LPGAT1: variants seen among roughly 807,000 people sequenced by gnomAD.
LPGAT1 encodes lysophosphatidylglycerol acyltransferase 1.
Under a neutral mutation model 47.5 loss-of-function variants are expected in LPGAT1, and 11 were observed. The ratio of observed to expected loss-of-function variants is 0.23; its 90% CI spans 0.15 to 0.38. LPGAT1 has a LOEUF of 0.38. Among genes scored for constraint, LPGAT1 ranks in the 10% least tolerant of loss-of-function variants. LPGAT1 has a pLI of 1.00. For missense variants in LPGAT1, 293 were observed against 439.0 expected (o/e 0.67, Z 2.97); for synonymous variants, 138 against 144.2 (o/e 0.96, Z 0.31).
rs1657774426 is a variant in LPGAT1, at chr1:211,763,228, T to G, written c.855-12161A>C. 2.0e-5 allele frequency among the ~76,000 whole-genome samples: 3 copies of G among 150,118 alleles called. No homozygotes were observed. The South Asian group carries it at 6.2e-4, about 31-fold the overall frequency. The stretch of plus-strand genomic sequence containing the variant: ...AATCTCCAATGTCAGTATTAAGAGG[T>G]GAGGCCTTTAAAAGGTGATTTGGTC... On this transcript the variant is annotated intron_variant, in intron 6 of 7. Coordinates refer to ENST00000366997, the MANE Select transcript of LPGAT1 (RefSeq NM_014873.3).
chr1:211,751,569 AC>A (rs1657187179), intron 6 of LPGAT1, among the ~76,000 whole-genome samples: 1 of 152,100 alleles, frequency 6.6e-6, no homozygotes, highest in South Asian at 2.1e-4. Context: ...AATAGGGGTA[AC>A]TTTTACCGGT....
intron 2 of LPGAT1, among the ~76,000 whole-genome samples, chr1:211,807,283 G>A (rs185756740): frequency 5.3e-5 from 8 of 151,920 alleles, no homozygotes; most frequent in Non-Finnish European, 1.2e-4. Flanking sequence ...AAAATGAAGA[G>A]ACATACTATG....
intron 2 of LPGAT1, among the ~76,000 whole-genome samples, chr1:211,796,996 C>T (rs1659376860): frequency 6.6e-6 from 1 of 152,166 alleles, no homozygotes; most frequent in Non-Finnish European, 1.5e-5. Flanking sequence ...TGGCTCACGT[C>T]TATAATCCCA....
chr1:211,760,806 C>A (rs1657666394), intron 6 of LPGAT1, among the ~76,000 whole-genome samples: 1 of 152,194 alleles, frequency 6.6e-6, no homozygotes, highest in Admixed American at 6.5e-5. Context: ...AACATAGGAA[C>A]TATTAACTAT....
In LPGAT1 at chr1:211,822,124, A is replaced by C. The variant is rs147942833; in HGVS notation, c.238+6935T>G. ...ATGCCATGCAAATGTAAACAAAAAT[A>C]AACCAAAAACTATTTTACCCAGCTC... On this transcript the variant is annotated intron_variant, in intron 2 of 7. Transcript: ENST00000366997. Among the ~76,000 whole-genome samples, 49 of 152,336 alleles carry C rather than the reference A, an allele frequency of 3.2e-4. No individual in the cohort carries two copies. The East Asian group carries it at 9.1e-3, about 28-fold the overall frequency.
chr1:211,814,970 G>A (rs1032511175), intron 2 of LPGAT1, among the ~76,000 whole-genome samples: 2 of 152,130 alleles, frequency 1.3e-5, no homozygotes, highest in Admixed American at 1.3e-4. Flanking sequence ...GTGGACTTCT[G>A]TGACCCCACA....
At chr1:211,812,248 A>C (rs1373186244) in intron 2 of LPGAT1, among the ~76,000 whole-genome samples, 1 of 152,254 alleles carries the variant, frequency 6.6e-6, no homozygotes, top group African/African-American at 2.4e-5. Context: ...AAGTCTTATC[A>C]AAGGATAAAA....
intron 4 of LPGAT1, 97 bp from the exon 5 acceptor site, chr1:211,783,599 T>A: frequency 1.6e-6 from 2 of 1,212,976 alleles, no homozygotes; most frequent in African/African-American, 1.5e-5. Flanking sequence ...TAAAATCCAA[T>A]CACAGAATAG....
chr1:211,751,110 G>A, intron 6 of LPGAT1, 43 bp from the exon 7 acceptor site: 7 of 1,287,296 alleles, frequency 5.4e-6, no homozygotes, highest in Non-Finnish European at 7.8e-6. Context: ...ATTTAGTTCA[G>A]AAGTCAAAAT....
intron 6 of LPGAT1, among the ~76,000 whole-genome samples, chr1:211,771,098 CAA>C (rs370445381): frequency 1.6e-4 from 15 of 95,358 alleles, no homozygotes; most frequent in Admixed American, 2.3e-4. Context: ...GACACTATCT[CAA>C]AAAAAAAAAA....
chr1:211,806,553 G>C (rs1193792372), intron 2 of LPGAT1, among the ~76,000 whole-genome samples: 1 of 152,112 alleles, frequency 6.6e-6, no homozygotes. Flanking sequence ...GGAAAGGATG[G>C]AAAAGCTACC....
At chr1:211,780,205 TAATA>T (rs1247197820) in intron 5 of LPGAT1, among the ~76,000 whole-genome samples, 3 of 152,024 alleles carry the variant, frequency 2.0e-5, no homozygotes, top group Non-Finnish European at 2.9e-5. Flanking sequence ...AAAAAATAAT[TAATA>T]AATAAATAAA....
rs1657098787 is a variant in LPGAT1 at position 211,749,808 on chromosome 1, AAT to A, written c.*89_*90del. The A allele has an allele frequency of 1.5e-6, 2 of 1,330,080 alleles. No homozygotes were observed. Among genetic ancestry groups the A allele is most frequent in the Non-Finnish European group, 2.1e-6 (2 of 950,246 alleles). 82.4% of individuals were successfully genotyped at this position (1,330,080 alleles called of 1,614,324 possible). ...ATTGAATTTCTTTTGCTTTTTTTTA[AAT>A]ATATTCTGATTTGCACATGTAAAAT... On this transcript the variant is annotated 3_prime_UTR_variant, in exon 8 of 8. Coordinates refer to ENST00000366997, the MANE Select transcript of LPGAT1 (RefSeq NM_014873.3).
At chr1:211,812,366 T>C (rs1215910095) in intron 2 of LPGAT1, among the ~76,000 whole-genome samples, 2 of 152,188 alleles carry the variant, frequency 1.3e-5, no homozygotes, top group African/African-American at 2.4e-5. Flanking sequence ...AATAGGATGA[T>C]TAATGTAAGC....
intron 6 of LPGAT1, among the ~76,000 whole-genome samples, chr1:211,774,190 A>G: frequency 8.8e-6 from 1 of 114,170 alleles, no homozygotes; most frequent in East Asian, 3.0e-4. Flanking sequence ...GCTGGAGTAC[A>G]GTGGCACAAT....
intron 1 of LPGAT1, chr1:211,829,975 G>C (rs1426301031): frequency 5.1e-6 from 5 of 985,506 alleles, no homozygotes; most frequent in Non-Finnish European, 6.0e-6. Flanking sequence ...CAGGAGTAGG[G>C]GGAAGGGAGC....
intron 3 of LPGAT1, chr1:211,792,179 T>C (rs1659150878): frequency 6.6e-6 from 1 of 151,610 alleles, no homozygotes; most frequent in Admixed American, 6.6e-5. Context: ...ATCCCACTAC[T>C]GATCAGCACA....
chr1:211,763,852 T>A (rs1387734763), intron 6 of LPGAT1, among the ~76,000 whole-genome samples: 1 of 152,228 alleles, frequency 6.6e-6, no homozygotes, highest in Non-Finnish European at 1.5e-5. Context: ...TTCAGCTTCC[T>A]CCTTCTCCTC....
chr1:211,805,999 C>A (rs1374615703), intron 2 of LPGAT1, among the ~76,000 whole-genome samples: 5 of 152,308 alleles, frequency 3.3e-5, no homozygotes, highest in Non-Finnish European at 7.3e-5. Context: ...GTGGCTCATG[C>A]CTGTAATCCC....
Sources: allele counts gnomAD v4.1 joint callset (sites outside exome capture counted in the v4.1 genomes callset), GRCh38; gene constraint gnomAD v4.1.1; transcripts MANE v1.5; gene names NCBI Gene and HGNC (gene_info 2026-07-23, HGNC 2026-07-21).